The following RBP3 variants were observed in gnomAD, a reference collection of about 807,000 sequenced individuals.
RBP3 encodes the protein retinol binding protein 3.
RBP3 carries 50 observed loss-of-function variants against 64.8 expected under a neutral mutation model. The observed-to-expected ratio is 0.77, with a 90% CI of 0.61 to 0.98. The LOEUF (loss-of-function observed/expected upper bound fraction) is 0.98. Ranked by LOEUF, RBP3 falls within the 50% of genes least tolerant of loss-of-function variation. The pLI is 0.00. For missense variants in RBP3, 1,712 were observed against 1,660.5 expected, an observed-to-expected ratio of 1.03 and a Z score of -0.54; for synonymous variants, 828 against 730.2, an observed-to-expected ratio of 1.13 and a Z score of -2.16.
intron 1 of RBP3, 58 bp downstream of exon 1, chr10:47,351,596 CCGCA>C (rs1470473329): frequency 2.5e-6 from 4 of 1,597,140 alleles, no homozygotes; most frequent in Non-Finnish European, 3.4e-6. Context: ...GACCCATTGT[CCGCA>C]CATGCAGGGC....
chr10:47,351,793 A>G (rs1836978630), intron 1 of RBP3, among the ~76,000 whole-genome samples: 1 of 152,214 alleles, frequency 6.6e-6, no homozygotes, highest in Admixed American at 6.5e-5. Context: ...CAAAACCCGC[A>G]ATTACTTTTG....
Position 47,349,487 on chromosome 10 carries a change from G to A in RBP3, c.1003G>A (p.Glu335Lys). The stretch of plus-strand genomic sequence containing the variant: ...TCCAGGGGTAGTCCACTGCCTCCAG[G>A]AGGTCCTGAAGGACTACTACACGCT... ...ALPGVVHCLQ[E>K]VLKDYYTLVD... The change falls in exon 1 of 4, where the codon GAG (glutamate) becomes AAG (lysine). Residue 335 changes from glutamate (E) to lysine (K), a missense_variant. By Grantham distance (56) the Glu-to-Lys change is moderately conservative (BLOSUM62 1). Transcript: ENST00000584701. The A allele has an allele frequency of 1.2e-6, 2 of 1,612,944 alleles. No individual in the cohort carries two copies. Among genetic ancestry groups the A allele is most frequent in the Non-Finnish European group, 8.5e-7 (1 of 1,180,034 alleles).
chr10:47,356,874 G>C (rs782523079), intron 3 of RBP3, among the ~76,000 whole-genome samples: 15 of 152,206 alleles, frequency 9.9e-5, no homozygotes, highest in Non-Finnish European at 2.2e-4. Context: ...GGCCTCGTTG[G>C]GAGTTGTCAA....
chr10:47,350,872 C>G lies in RBP3; in HGVS notation c.2388C>G (p.Leu796=). The G allele has an allele frequency of 6.2e-7, 1 of 1,612,788 alleles. No homozygotes were observed. The highest frequency in any genetic ancestry group is 8.5e-7 in the Non-Finnish European group (1 of 1,179,938). Residue 796 remains leucine (L), a synonymous_variant, in exon 1 of 4, where the codon CTC becomes CTG. Coordinates refer to ENST00000584701, the MANE Select transcript of RBP3 (RefSeq NM_002900.3). ...GCTACTCCACGGCCATCCCGCTGCT[C>G]TGCTCCTACTTCTTTGAGGCAGAGC... ...PGSYSTAIPL[L]CSYFFEAEPR... is the part of the protein sequence containing the mutation.
In RBP3 at chr10:47,350,488, G is replaced by A. The variant is rs1555211387; in HGVS notation, c.2004G>A (p.Leu668=). 6.2e-7 allele frequency: 1 copy of A among 1,612,738 alleles called. No homozygotes were observed. Among genetic ancestry groups the A allele is most frequent in the South Asian group, 1.1e-5 (1 of 91,084 alleles). ...GQTSALLRAK[L]AQGAYRTAVD... Reference sequence around the variant, plus strand: ...CCAGTGCCCTCCTGCGGGCCAAGCTGGCCCAGGGCGCCTACCGCACAGCTG... The same window carrying A: ...CCAGTGCCCTCCTGCGGGCCAAGCTAGCCCAGGGCGCCTACCGCACAGCTG... The change falls in exon 1 of 4, where the codon CTG becomes CTA. Residue 668 remains leucine, a synonymous_variant. Transcript: ENST00000584701.
chr10:47,354,537 G>A (rs1239255861), intron 2 of RBP3, among the ~76,000 whole-genome samples: 1 of 152,156 alleles, frequency 6.6e-6, no homozygotes, highest in East Asian at 1.9e-4. Flanking sequence ...GAGGCTCCTG[G>A]GGTCTCTCTG....
intron 2 of RBP3, among the ~76,000 whole-genome samples, chr10:47,354,210 A>G (rs1455047983): frequency 6.6e-6 from 1 of 152,202 alleles, no homozygotes; most frequent in Admixed American, 6.5e-5. Context: ...GAGGTGGATG[A>G]GTACCCTCAG....
In RBP3 at chr10:47,357,174, T is replaced by A. The variant is rs1161590475; in HGVS notation, c.3461T>A (p.Phe1154Tyr). ...GTGACGGCCGGCACCGCGGAGGAGTTCACCTATATCATGAAGAGGCTGGGC... is the reference window on the plus strand; with the variant it reads ...GTGACGGCCGGCACCGCGGAGGAGTACACCTATATCATGAAGAGGCTGGGC... Reference protein sequence around the residue: ...SSVTAGTAEEFTYIMKRLGRA... With the variant: ...SSVTAGTAEEYTYIMKRLGRA... Residue 1154 changes from phenylalanine to tyrosine, a missense_variant, in exon 4 of 4, where the codon TTC becomes TAC. Physicochemically the swap from Phe to Tyr is conservative, Grantham distance 22 (BLOSUM62 3). Coordinates refer to ENST00000584701, the MANE Select transcript of RBP3 (RefSeq NM_002900.3). 16 of 1,613,694 alleles carry A rather than the reference T, an allele frequency of 9.9e-6. No individual in the cohort carries two copies. Among genetic ancestry groups the A allele is most frequent in the Non-Finnish European group, 1.3e-5 (15 of 1,179,986 alleles).
At chr10:47,356,376 G>A (rs1205519953) in intron 3 of RBP3, among the ~76,000 whole-genome samples, 38 of 152,058 alleles carry the variant, frequency 2.5e-4, no homozygotes, top group Admixed American at 2.2e-3. Context: ...CCCCAAAACC[G>A]CAAGGTCCAA....
At position 47,349,350 on chromosome 10, in the gene RBP3, T is replaced by C. The variant is rs1449814820; in HGVS notation, c.866T>C (p.Leu289Pro). Residue 289 changes from leucine to proline, a missense_variant, in exon 1 of 4, where the codon CTT (leucine) becomes CCT (proline). Leu to Pro is a moderately conservative substitution (Grantham distance 98). Coordinates refer to ENST00000584701, the MANE Select transcript of RBP3 (RefSeq NM_002900.3). Reference sequence around the variant, plus strand: ...CCCGTGTCCAGGTCCCTGGGGCCCCTTGGTGGAGGCAGCCAGACGTGGGAG... The same window carrying C: ...CCCGTGTCCAGGTCCCTGGGGCCCCCTGGTGGAGGCAGCCAGACGTGGGAG... The part of the protein sequence containing the change: ...TVPVSRSLGP[L>P]GGGSQTWEGS... 2 of 1,612,282 alleles carry C rather than the reference T, an allele frequency of 1.2e-6. No individual in the cohort carries two copies. The highest frequency in any genetic ancestry group is 2.7e-5 in the African/African-American group (2 of 74,918).
Position 47,350,587 on chromosome 10 carries a change from G to A in RBP3, c.2103G>A (p.Val701=), listed in dbSNP as rs145061560. ...QEVSGDHRLL[V]FHSPGELVVE... ...TGTCTGGGGACCACCGCTTGCTAGTGTTCCACAGCCCTGGCGAGCTGGTGG... is the reference window on the plus strand; with the variant it reads ...TGTCTGGGGACCACCGCTTGCTAGTATTCCACAGCCCTGGCGAGCTGGTGG... The change falls in exon 1 of 4, where the codon GTG becomes GTA. Residue 701 remains valine, a synonymous_variant. Coordinates refer to ENST00000584701, the MANE Select transcript of RBP3 (RefSeq NM_002900.3). 6.0e-5 allele frequency: 97 copies of A among 1,613,002 alleles called. No homozygotes were observed. In the African/African-American group the frequency reaches 1.2e-3, roughly 20 times the overall value.
At chr10:47,355,340 T>C in intron 2 of RBP3, 36 bp from the exon 3 acceptor site, 1 of 1,612,532 alleles carries the variant, frequency 6.2e-7, no homozygotes, top group East Asian at 2.2e-5. Context: ...CACTGTGAGC[T>C]CAGCCCCTGA....
At position 47,348,421 on chromosome 10, in the gene RBP3, G is replaced by C. The variant is rs956826758; in HGVS notation, c.-64G>C. The C allele has an allele frequency of 6.4e-7, 1 of 1,560,502 alleles. No homozygotes were observed. Among genetic ancestry groups the C allele is most frequent in the African/African-American group, 1.4e-5 (1 of 73,946 alleles). On this transcript the variant is annotated 5_prime_UTR_variant, in exon 1 of 4. Coordinates refer to ENST00000584701, the MANE Select transcript of RBP3 (RefSeq NM_002900.3). The stretch of plus-strand genomic sequence containing the variant: ...GCGGAAGGCAGCTGCACAGAGCAGG[G>C]CCACGGCCTTGCACACAGTCCAGGG...
At position 47,350,337 on chromosome 10, in the gene RBP3, T is replaced by C. The variant is rs782225623; in HGVS notation, c.1853T>C (p.Leu618Pro). ...GGGVVPDAIV[L>P]AEEALDKAQE... ...GGAGTGGTGCCCGATGCCATCGTGC[T>C]GGCCGAGGAGGCCCTGGACAAAGCC... Residue 618 changes from leucine (L) to proline (P), a missense_variant, in exon 1 of 4, where the codon CTG (leucine) becomes CCG (proline). Transcript: ENST00000584701. 42 of 1,611,710 alleles carry C rather than the reference T, an allele frequency of 2.6e-5. No homozygotes were observed. The South Asian group carries it at 4.3e-4, about 16-fold the overall frequency.
rs1837070710 is a variant in RBP3 at position 47,357,706 on chromosome 10, CCTT to C, written c.*252_*254del. ...AACCACCTAAATTTTAACAAAGGTTCCTTCTAAGTGGTAGAACTTGGGGTGGTA... is the reference window on the plus strand; with the variant it reads ...AACCACCTAAATTTTAACAAAGGTTCCTAAGTGGTAGAACTTGGGGTGGTA... On this transcript the variant is annotated 3_prime_UTR_variant, in exon 4 of 4. Transcript: ENST00000584701. 5.2e-6 allele frequency: 2 copies of C among 381,512 alleles called. No homozygotes were observed. Among genetic ancestry groups the C allele is most frequent in the East Asian group, 8.1e-5 (2 of 24,824 alleles). The allele number at this position is 381,512 out of a possible 1,614,324, so 23.6% of individuals were successfully genotyped here.
At position 47,348,665 on chromosome 10, in the gene RBP3, A is replaced by T. The variant is rs2132252179; in HGVS notation, c.181A>T (p.Ile61Phe). 6.2e-7 allele frequency: 1 copy of T among 1,613,570 alleles called. No individual in the cohort carries two copies. The highest frequency in any genetic ancestry group is 1.1e-5 in the South Asian group (1 of 91,082). ...CCAGCAGGCCATCAAGAGCCATGAG[A>T]TTCTGAGCATCTCAGACCCGCAGAC... Reference protein sequence around the residue: ...AIQQAIKSHEILSISDPQTLA... With the variant: ...AIQQAIKSHEFLSISDPQTLA... Residue 61 changes from isoleucine to phenylalanine, a missense_variant, in exon 1 of 4, where the codon ATT becomes TTT. Ile to Phe is a conservative substitution (Grantham distance 21, BLOSUM62 0). Transcript: ENST00000584701.
At position 47,350,975 on chromosome 10, in the gene RBP3, G is replaced by T. The variant is rs782324558; in HGVS notation, c.2491G>T (p.Gly831Cys). ...TEVWTLPQVA[G>C]QRYGSHKDLY... ...GGTGTGGACCTTGCCCCAGGTCGCC[G>T]GCCAGCGCTACGGCTCACACAAGGA... Residue 831 changes from glycine to cysteine, a missense_variant, in exon 1 of 4, where the codon GGC (glycine) becomes TGC (cysteine). By Grantham distance (159) the Gly-to-Cys change is radical. Transcript: ENST00000584701. 1 of 1,612,118 alleles carries T rather than the reference G, an allele frequency of 6.2e-7. No homozygotes were observed. Among genetic ancestry groups the T allele is most frequent in the Non-Finnish European group, 8.5e-7 (1 of 1,179,980 alleles).
intron 3 of RBP3, 64 bp from the exon 4 acceptor site, chr10:47,357,038 A>G (rs1837056068): frequency 1.3e-6 from 2 of 1,482,480 alleles, no homozygotes; most frequent in East Asian, 2.3e-5. Context: ...CAGGCAGGAT[A>G]GAGAAGACAG....
chr10:47,350,696 G>A lies in RBP3; in HGVS notation c.2212G>A (p.Val738Met). ...TATTGAGGCCCTGTTCAAGACAGAGGTGCTGCCCGGCCAGCTGGGCTACCT... is the reference window on the plus strand; with the variant it reads ...TATTGAGGCCCTGTTCAAGACAGAGATGCTGCCCGGCCAGCTGGGCTACCT... Reference protein sequence around the residue: ...YLIEALFKTEVLPGQLGYLRF... With the variant: ...YLIEALFKTEMLPGQLGYLRF... Residue 738 changes from valine to methionine, a missense_variant, in exon 1 of 4, where the codon GTG (valine) becomes ATG (methionine). Val to Met is a conservative substitution (Grantham distance 21). Transcript: ENST00000584701. 6.2e-7 allele frequency: 1 copy of A among 1,613,204 alleles called. No individual in the cohort carries two copies. Among genetic ancestry groups the A allele is most frequent in the South Asian group, 1.1e-5 (1 of 91,086 alleles).
Sources: allele counts gnomAD v4.1 joint callset (sites outside exome capture counted in the v4.1 genomes callset), GRCh38; gene constraint gnomAD v4.1.1; transcripts MANE v1.5; gene names NCBI Gene and HGNC (gene_info 2026-07-23, HGNC 2026-07-21).